CENPC: variants seen among roughly 807,000 people sequenced by gnomAD.
CENPC encodes CENP-C 1.
A neutral mutation model predicts 112.1 loss-of-function variants in CENPC; 63 were observed. The ratio of observed to expected loss-of-function variants is 0.56; its 90% CI spans 0.46 to 0.69. CENPC has a LOEUF of 0.69. CENPC is among the 30% of genes least tolerant of loss of function. The pLI is 0.00. For missense variants in CENPC, 1,000 were observed against 1,103.8 expected (o/e 0.91, Z 1.33); for synonymous variants, 333 against 367.6 (o/e 0.91, Z 1.08).
intron 13 of CENPC, among the ~76,000 whole-genome samples, 156 bp downstream of exon 13, chr4:67,495,003 G>A (rs1725390854): frequency 6.6e-6 from 1 of 152,152 alleles, no homozygotes; most frequent in Non-Finnish European, 1.5e-5. Flanking sequence ...GACTTACTAT[G>A]AAATTCATAA....
chr4:67,475,361 C>T (rs182781829), intron 17 of CENPC, among the ~76,000 whole-genome samples: 479 of 152,318 alleles, frequency 3.1e-3, no homozygotes, highest in Non-Finnish European at 5.1e-3. Context: ...AAGAATGACA[C>T]CCTGGCCAAC....
chr4:67,489,253 G>A (rs1725173821), intron 17 of CENPC, among the ~76,000 whole-genome samples: 1 of 151,254 alleles, frequency 6.6e-6, no homozygotes, highest in Admixed American at 6.6e-5. Flanking sequence ...CAATGTTGCA[G>A]AGGTGTATGT....
chr4:67,528,562 C>T (rs1317972368), intron 5 of CENPC, among the ~76,000 whole-genome samples: 1 of 152,166 alleles, frequency 6.6e-6, no homozygotes, highest in African/African-American at 2.4e-5. Flanking sequence ...AGTAGAACTA[C>T]AAAATTTTTG....
chr4:67,491,525 A>AGCGC (rs1553893259), intron 16 of CENPC, among the ~76,000 whole-genome samples: 1 of 130,044 alleles, frequency 7.7e-6, no homozygotes, highest in East Asian at 2.1e-4. Flanking sequence ...AGAGAGAGAG[A>AGCGC]GAGCCTGGTT....
intron 12 of CENPC, among the ~76,000 whole-genome samples, chr4:67,499,142 A>G (rs113767873): frequency 1.3e-5 from 2 of 152,318 alleles, no homozygotes; most frequent in African/African-American, 2.4e-5. Flanking sequence ...AGAGCAAAGT[A>G]GATTTAGCAT....
At chr4:67,480,857 T>A (rs1334978246) in intron 17 of CENPC, among the ~76,000 whole-genome samples, 1 of 152,094 alleles carries the variant, frequency 6.6e-6, no homozygotes, top group Non-Finnish European at 1.5e-5. Flanking sequence ...CAAGGAAAAG[T>A]TGAAAAGTTT....
chr4:67,541,183 A>T (rs1560446542), intron 2 of CENPC, 133 bp from the exon 3 acceptor site: 2 of 610,656 alleles, frequency 3.3e-6, no homozygotes, highest in Non-Finnish European at 5.6e-6. Flanking sequence ...ATTTGAAGAC[A>T]AAACAAGTAC....
chr4:67,522,673 T>C (rs1726261017), intron 5 of CENPC, among the ~76,000 whole-genome samples: 1 of 151,946 alleles, frequency 6.6e-6, no homozygotes, highest in Admixed American at 6.6e-5. Context: ...ATGAAGTGGA[T>C]GGGGGGAAAG....
chr4:67,525,212 A>G (rs1033296462), intron 5 of CENPC, among the ~76,000 whole-genome samples: 2 of 152,200 alleles, frequency 1.3e-5, no homozygotes, highest in African/African-American at 4.8e-5. Context: ...AAGACCTAAC[A>G]TCATAAAAAC....
At chr4:67,485,367 T>C (rs1417005116) in intron 17 of CENPC, among the ~76,000 whole-genome samples, 1 of 152,238 alleles carries the variant, frequency 6.6e-6, no homozygotes, top group African/African-American at 2.4e-5. Context: ...TGACCTGGTT[T>C]TTTGAGCAAC....
chr4:67,538,680 A>C (rs113450453), intron 4 of CENPC, among the ~76,000 whole-genome samples: 113 of 152,264 alleles, frequency 7.4e-4, no homozygotes, highest in African/African-American at 2.5e-3. Flanking sequence ...CATTCAATCA[A>C]ATATTGATCA....
At chr4:67,521,219 G>T (rs1007697485) in intron 5 of CENPC, among the ~76,000 whole-genome samples, 2 of 100,926 alleles carry the variant, frequency 2.0e-5, no homozygotes, top group Non-Finnish European at 4.3e-5. Flanking sequence ...AAAAAAAAAA[G>T]TAAGAAATAA....
intron 7 of CENPC, among the ~76,000 whole-genome samples, chr4:67,517,790 T>C (rs762944227): frequency 1.3e-5 from 2 of 152,032 alleles, no homozygotes; most frequent in Non-Finnish European, 2.9e-5. Context: ...TGAGCCGAGA[T>C]TGCGTCACTG....
chr4:67,492,362 A>G (rs1725308431), intron 15 of CENPC, 87 bp from the exon 16 acceptor site: 1 of 744,354 alleles, frequency 1.3e-6, no homozygotes, highest in African/African-American at 1.8e-5. Context: ...ATAGCTATAG[A>G]GAAGTTATAA....
At chr4:67,488,335 T>C (rs1184644467) in intron 17 of CENPC, among the ~76,000 whole-genome samples, 2 of 152,022 alleles carry the variant, frequency 1.3e-5, no homozygotes, top group African/African-American at 4.8e-5. Flanking sequence ...TAAGTCAAAA[T>C]TAAAATATAA....
chr4:67,475,566 C>A (rs1015802410), intron 17 of CENPC, among the ~76,000 whole-genome samples: 1 of 152,174 alleles, frequency 6.6e-6, no homozygotes, highest in African/African-American at 2.4e-5. Context: ...TCATGGTTCT[C>A]TCTACATAAC....
At chr4:67,501,075 A>G (rs1357008079) in intron 12 of CENPC, among the ~76,000 whole-genome samples, 7 of 152,202 alleles carry the variant, frequency 4.6e-5, no homozygotes, top group Non-Finnish European at 7.3e-5. Context: ...TGGGAGACTG[A>G]GGTGTGCAGA....
intron 17 of CENPC, among the ~76,000 whole-genome samples, chr4:67,479,080 T>C (rs1724885618): frequency 6.6e-6 from 1 of 152,090 alleles, no homozygotes; most frequent in Non-Finnish European, 1.5e-5. Flanking sequence ...AGACAATTAC[T>C]ACTAGGCCTA....
intron 5 of CENPC, among the ~76,000 whole-genome samples, chr4:67,529,464 AACAGGT>A (rs1726480628): frequency 1.3e-5 from 2 of 151,978 alleles, no homozygotes; most frequent in South Asian, 4.2e-4. Context: ...TACCTGGGAT[AACAGGT>A]ACTTGCCACC....
Sources: gnomAD v4.1 joint callset for allele counts (sites outside exome capture counted in the v4.1 genomes callset) on GRCh38, gnomAD v4.1.1 for gene constraint, MANE v1.5 for transcripts, NCBI Gene and HGNC (gene_info 2026-07-23, HGNC 2026-07-21) for gene names.